Variants in CNMD observed in about 807,000 individuals in gnomAD.
CNMD encodes leukocyte cell-derived chemotaxin 1.
A neutral mutation model predicts 37.5 loss-of-function variants in CNMD; 30 were observed. That is an observed-to-expected ratio of 0.80 (90% CI 0.60 to 1.09). The LOEUF (loss-of-function observed/expected upper bound fraction) is 1.09. CNMD is among the 50% of genes least tolerant of loss of function. CNMD has a pLI of 0.00. For synonymous variants in CNMD, 167 were observed against 148.2 expected, an observed-to-expected ratio of 1.13 and a Z score of -0.92; for missense variants, 398 against 423.9, an observed-to-expected ratio of 0.94 and a Z score of 0.54.
rs1964531262 is a variant in CNMD at position 52,724,129 on chromosome 13, TC to T, written c.355-20del. 1 of 1,514,692 alleles carries T rather than the reference TC, an allele frequency of 6.6e-7. No homozygotes were observed. Among genetic ancestry groups the T allele is most frequent in the Admixed American group, 1.7e-5 (1 of 59,872 alleles). 93.8% of individuals were successfully genotyped at this position (1,514,692 alleles called of 1,614,324 possible). ...TGATGCCCTATGAAACAAAAGTGTA[TC>T]CATCTATCTATCCATTTGTTCATTT... is the stretch of plus-strand genomic sequence containing the variant. On this transcript the variant is annotated intron_variant, in intron 3 of 6. Transcript: ENST00000377962.
chr13:52,725,763 A>G (rs1435493950), intron 3 of CNMD, among the ~76,000 whole-genome samples: 2 of 152,236 alleles, frequency 1.3e-5, no homozygotes, highest in South Asian at 2.1e-4. Flanking sequence ...TACCAGGGCC[A>G]GTGATAAAGA....
At chr13:52,711,959 T>G (rs1049741127) in intron 5 of CNMD, among the ~76,000 whole-genome samples, 1 of 152,160 alleles carries the variant, frequency 6.6e-6, no homozygotes, top group African/African-American at 2.4e-5. Flanking sequence ...TAGTCTTCCA[T>G]AAAATCTTTC....
chr13:52,703,591 G>T lies in CNMD; in HGVS notation c.*4C>A. 1.2e-6 allele frequency: 2 copies of T among 1,601,934 alleles called. No individual in the cohort carries two copies. The highest frequency in any genetic ancestry group is 8.5e-7 in the Non-Finnish European group (1 of 1,170,164). On this transcript the variant is annotated 3_prime_UTR_variant, in exon 7 of 7. Coordinates refer to ENST00000377962, the MANE Select transcript of CNMD (RefSeq NM_007015.3). ...TTTTACAGCACATGATATATGAAGT[G>T]ATTTCACACCATGCCCAAGATACGG...
chr13:52,710,228 A>G (rs1964270002), intron 5 of CNMD, among the ~76,000 whole-genome samples: 1 of 152,194 alleles, frequency 6.6e-6, no homozygotes, highest in Admixed American at 6.6e-5. Context: ...CACAGATAGC[A>G]TGGTTGGAGA....
At chr13:52,706,892 T>TTTTAA (rs919311029) in intron 6 of CNMD, among the ~76,000 whole-genome samples, 1 of 152,078 alleles carries the variant, frequency 6.6e-6, no homozygotes, top group African/African-American at 2.4e-5. Flanking sequence ...CTGCATGTAT[T>TTTTAA]TTTAATTTAA....
At chr13:52,715,296 C>A (rs1215672307) in intron 4 of CNMD, among the ~76,000 whole-genome samples, 1 of 152,068 alleles carries the variant, frequency 6.6e-6, no homozygotes, top group Non-Finnish European at 1.5e-5. Context: ...TCCCCCAAAC[C>A]GTTCCAGCCT....
chr13:52,725,524 C>A (rs545391059), intron 3 of CNMD, among the ~76,000 whole-genome samples: 10 of 152,226 alleles, frequency 6.6e-5, no homozygotes, highest in African/African-American at 2.4e-4. Context: ...AAGCTCCAGT[C>A]TTGGCTGAAA....
intron 4 of CNMD, among the ~76,000 whole-genome samples, chr13:52,722,585 G>A (rs996971030): frequency 3.9e-5 from 6 of 152,002 alleles, no homozygotes; most frequent in Non-Finnish European, 7.4e-5. Flanking sequence ...GTAAATCCAC[G>A]TTTTTCTGAC....
At chr13:52,712,997 C>T (rs1162309471) in intron 4 of CNMD, 128 bp from the exon 5 acceptor site, 1 of 590,988 alleles carries the variant, frequency 1.7e-6, no homozygotes, top group African/African-American at 1.9e-5. Context: ...TGCGTGTGTA[C>T]ATGTGTGCAC....
At chr13:52,727,126 C>T (rs1227304793) in intron 3 of CNMD, among the ~76,000 whole-genome samples, 7 of 152,000 alleles carry the variant, frequency 4.6e-5, no homozygotes, top group Non-Finnish European at 1.0e-4. Context: ...TAAAAAATAG[C>T]TGGCCATGGT....
rs540363331 is a variant in CNMD at position 52,712,164 on chromosome 13, A to G, written c.622+552T>C. Among the ~76,000 whole-genome samples, 18 of 144,662 alleles carry G rather than the reference A, an allele frequency of 1.2e-4. No homozygotes were observed. In the South Asian group the frequency reaches 4.3e-3, roughly 34 times the overall value. The allele number at this position is 144,662 out of a possible 152,430, so 94.9% of individuals were successfully genotyped here. On this transcript the variant is annotated intron_variant, in intron 5 of 6. Transcript: ENST00000377962. ...CTCACCTGCCCTTCATTACCCAGAA[A>G]TAGCTCAAAGATATGCTCCAGCCTA...
In CNMD at chr13:52,739,363, G is replaced by T; in HGVS notation, c.73-192C>A. 1 of 724,218 alleles carries T rather than the reference G, an allele frequency of 1.4e-6. No individual in the cohort carries two copies. Among genetic ancestry groups the T allele is most frequent in the Non-Finnish European group, 2.2e-6 (1 of 458,646 alleles). The allele number at this position is 724,218 out of a possible 1,614,324, so 44.9% of individuals were successfully genotyped here. Reference sequence around the variant, plus strand: ...GTCCTTTGCAGTCGGGCGTGGAAGTGGGATGAGCAAACCCCGCAGCACAGG... The same window carrying T: ...GTCCTTTGCAGTCGGGCGTGGAAGTTGGATGAGCAAACCCCGCAGCACAGG... On this transcript the variant is annotated intron_variant, in intron 1 of 6. Transcript: ENST00000377962. The surrounding 1 kb of genome is among the most constrained non-coding windows in gnomAD (Gnocchi z 5.4).
At chr13:52,714,545 A>T (rs1243647803) in intron 4 of CNMD, among the ~76,000 whole-genome samples, 2 of 152,208 alleles carry the variant, frequency 1.3e-5, no homozygotes, top group African/African-American at 4.8e-5. Flanking sequence ...ATCACGGCGA[A>T]TTTATTTACC....
chr13:52,737,516 T>C (rs1330911170), intron 2 of CNMD, among the ~76,000 whole-genome samples: 2 of 152,234 alleles, frequency 1.3e-5, no homozygotes, highest in African/African-American at 4.8e-5. Context: ...AGTATGATTG[T>C]TTAATCTCTC....
At chr13:52,705,884 A>G (rs1964166346) in intron 6 of CNMD, among the ~76,000 whole-genome samples, 3 of 152,208 alleles carry the variant, frequency 2.0e-5, no homozygotes, top group Non-Finnish European at 4.4e-5. Context: ...CTAGGGAATA[A>G]ACAGTATTAA....
intron 4 of CNMD, 59 bp downstream of exon 4, chr13:52,723,938 T>C: frequency 5.7e-6 from 6 of 1,059,076 alleles, no homozygotes; most frequent in Non-Finnish European, 7.4e-6. Context: ...CCAAAAGGGT[T>C]GTGCCTTCAA....
rs746623684 is a variant in CNMD at position 52,724,030 on chromosome 13, G to A, written c.435C>T (p.Gly145=). ...AQVKARIPEV[G]AVTKQSISSK... Reference sequence around the variant, plus strand: ...AGGAGATGCTCTGTTTGGTCACGGCGCCCACCTCAGGAATACGAGCCTTCA... The same window carrying A: ...AGGAGATGCTCTGTTTGGTCACGGCACCCACCTCAGGAATACGAGCCTTCA... The change falls in exon 4 of 7, where the codon GGC becomes GGT. Residue 145 remains glycine, a synonymous_variant. Transcript: ENST00000377962. 1.7e-5 allele frequency: 28 copies of A among 1,613,604 alleles called. No individual in the cohort carries two copies. Among genetic ancestry groups the A allele is most frequent in the African/African-American group, 1.2e-4 (9 of 74,902 alleles).
intron 6 of CNMD, among the ~76,000 whole-genome samples, chr13:52,707,723 C>T (rs928244898): frequency 2.0e-5 from 3 of 152,108 alleles, no homozygotes; most frequent in African/African-American, 7.2e-5. Context: ...AAGGAGAGCA[C>T]AGAAAACAAC....
chr13:52,723,017 T>C (rs1052004961), intron 4 of CNMD, among the ~76,000 whole-genome samples: 2 of 152,230 alleles, frequency 1.3e-5, no homozygotes, highest in African/African-American at 4.8e-5. Flanking sequence ...AGAGGCTGTG[T>C]GATCCGCTAT....
Sources: allele counts gnomAD v4.1 joint callset (sites outside exome capture counted in the v4.1 genomes callset), GRCh38; gene constraint gnomAD v4.1.1; non-coding constraint Gnocchi (gnomAD v3.1); transcripts MANE v1.5; gene names NCBI Gene and HGNC (gene_info 2026-07-23, HGNC 2026-07-21).